The following NKAIN2 variants were observed in gnomAD, a reference collection of about 807,000 sequenced individuals.
NKAIN2 encodes sodium/potassium transporting ATPase interacting 2, also known as sodium/potassium-transporting ATPase subunit beta-1-interacting protein 2.
A neutral mutation model predicts 32.6 loss-of-function variants in NKAIN2; 14 were observed. That is an observed-to-expected ratio of 0.43 (90% confidence interval 0.28 to 0.67). The LOEUF is 0.67. NKAIN2 is among the 30% of genes least tolerant of loss of function. The pLI, the probability that NKAIN2 is intolerant of heterozygous loss-of-function variation, is 0.17. For missense variants in NKAIN2, 198 were observed against 258.3 expected (o/e 0.77, Z 1.60); for synonymous variants, 80 against 87.2 (o/e 0.92, Z 0.46).
chr6:124,238,449 T>A (rs1290044253), intron 1 of NKAIN2, among the ~76,000 whole-genome samples: 58 of 152,052 alleles, frequency 3.8e-4, no homozygotes, highest in Admixed American at 3.7e-3. Context: ...TTTTGAAATG[T>A]TGTGGAAAAA....
chr6:124,453,757 A>G (rs1269430512), intron 3 of NKAIN2, among the ~76,000 whole-genome samples: 1 of 152,070 alleles, frequency 6.6e-6, no homozygotes, highest in Non-Finnish European at 1.5e-5. Context: ...CAATGAAACA[A>G]ATTAGTAGAT....
chr6:123,859,587 T>C (rs1775698824), intron 1 of NKAIN2, among the ~76,000 whole-genome samples: 1 of 152,244 alleles, frequency 6.6e-6, no homozygotes, highest in Non-Finnish European at 1.5e-5. Flanking sequence ...CATTTTAGCA[T>C]GTGGTCCATC....
intron 2 of NKAIN2, among the ~76,000 whole-genome samples, chr6:124,304,846 G>A (rs1397524672): frequency 6.6e-6 from 1 of 152,120 alleles, no homozygotes; most frequent in Non-Finnish European, 1.5e-5. Flanking sequence ...CCCAGGAGGT[G>A]GAGACTGTAG....
chr6:124,171,696 A>G (rs1788872958), intron 1 of NKAIN2, among the ~76,000 whole-genome samples: 1 of 151,780 alleles, frequency 6.6e-6, no homozygotes, highest in South Asian at 2.1e-4. Context: ...GACTACAGGC[A>G]CATGCTGCCA....
chr6:124,573,191 C>T (rs1456983201), intron 3 of NKAIN2, among the ~76,000 whole-genome samples: 5 of 152,106 alleles, frequency 3.3e-5, no homozygotes, highest in Non-Finnish European at 7.4e-5. Context: ...AAGCCCCTGA[C>T]AGTGGAACAC....
chr6:124,519,006 A>G (rs1482181733), intron 3 of NKAIN2, among the ~76,000 whole-genome samples: 2 of 152,236 alleles, frequency 1.3e-5, no homozygotes, highest in African/African-American at 4.8e-5. Context: ...TACAAGAACC[A>G]GGATGGACTT....
chr6:124,195,503 A>G lies in NKAIN2; in HGVS notation c.55-87502A>G, dbSNP rs113856028. ...TTTGATTTAATAACTGCACATTCATATATATTTTTTGAAAGGAATGCTGAA... is the reference window on the plus strand; with the variant it reads ...TTTGATTTAATAACTGCACATTCATGTATATTTTTTGAAAGGAATGCTGAA... On this transcript the variant is annotated intron_variant, in intron 1 of 6. Coordinates refer to ENST00000368417, the MANE Select transcript of NKAIN2 (RefSeq NM_001040214.3). Among the ~76,000 whole-genome samples, 212 of 152,216 alleles carry G rather than the reference A, an allele frequency of 1.4e-3. 1 individual carries two copies. Among genetic ancestry groups the G allele is most frequent in the African/African-American group, 4.9e-3 (203 of 41,564 alleles).
intron 4 of NKAIN2, among the ~76,000 whole-genome samples, chr6:124,777,578 C>A (rs1020979833): frequency 6.6e-6 from 1 of 152,134 alleles, no homozygotes; most frequent in Non-Finnish European, 1.5e-5. Flanking sequence ...CACTAATATT[C>A]TCATATTGAA....
chr6:124,141,266 G>GA (rs1376523475), intron 1 of NKAIN2, among the ~76,000 whole-genome samples: 1 of 151,756 alleles, frequency 6.6e-6, no homozygotes, highest in African/African-American at 2.4e-5. Context: ...GATTCACAAA[G>GA]AAAAAAAATA....
chr6:124,381,761 A>G (rs1046715407), intron 3 of NKAIN2, among the ~76,000 whole-genome samples: 70 of 152,292 alleles, frequency 4.6e-4, no homozygotes, highest in African/African-American at 1.6e-3. Flanking sequence ...GTATTCTTTA[A>G]TGACAAAATA....
chr6:123,951,014 T>A (rs1221341944), intron 1 of NKAIN2, among the ~76,000 whole-genome samples: 1 of 152,060 alleles, frequency 6.6e-6, no homozygotes, highest in Non-Finnish European at 1.5e-5. Flanking sequence ...AAGAAATTTT[T>A]TCATCCAGTG....
intron 3 of NKAIN2, among the ~76,000 whole-genome samples, chr6:124,657,749 T>G (rs1431502027): frequency 6.6e-6 from 1 of 151,806 alleles, no homozygotes; most frequent in Non-Finnish European, 1.5e-5. Context: ...AATTGAAGTA[T>G]AGCTTTAAGA....
chr6:124,750,666 C>T (rs896805624), intron 4 of NKAIN2, among the ~76,000 whole-genome samples: 6 of 151,986 alleles, frequency 3.9e-5, no homozygotes, highest in African/African-American at 1.4e-4. Context: ...CTTTTTATCT[C>T]TTTGGCTGCC....
chr6:123,823,888 G>A (rs1291842483), intron 1 of NKAIN2, among the ~76,000 whole-genome samples: 2 of 152,148 alleles, frequency 1.3e-5, no homozygotes, highest in South Asian at 2.1e-4. Flanking sequence ...AGTTTCATTA[G>A]CATTGGAAAA....
chr6:124,441,498 C>G (rs1775686313), intron 3 of NKAIN2, among the ~76,000 whole-genome samples: 1 of 152,092 alleles, frequency 6.6e-6, no homozygotes, highest in African/African-American at 2.4e-5. Flanking sequence ...TCTCGCCTGG[C>G]TCTACCTTGC....
At chr6:124,717,118 C>G (rs1326606449) in intron 4 of NKAIN2, among the ~76,000 whole-genome samples, 2 of 152,178 alleles carry the variant, frequency 1.3e-5, no homozygotes, top group Non-Finnish European at 2.9e-5. Context: ...TGAGCCCCAC[C>G]TTGACACTTT....
At chr6:124,660,236 G>A (rs75344906) in intron 4 of NKAIN2, among the ~76,000 whole-genome samples, 87 of 152,218 alleles carry the variant, frequency 5.7e-4, no homozygotes, top group Admixed American at 1.1e-3. Context: ...TTCCACCTAT[G>A]TTTTAAGGAT....
intron 6 of NKAIN2, among the ~76,000 whole-genome samples, chr6:124,820,374 A>G: frequency 6.6e-6 from 1 of 152,188 alleles, no homozygotes; most frequent in African/African-American, 2.4e-5. Flanking sequence ...AAGTTTCCTC[A>G]CCTGCAAAAT....
At chr6:124,531,377 C>T (rs112487320) in intron 3 of NKAIN2, among the ~76,000 whole-genome samples, 27 of 152,122 alleles carry the variant, frequency 1.8e-4, no homozygotes, top group African/African-American at 6.5e-4. Flanking sequence ...TCTTTGCATC[C>T]ATGGGGTGGA....
Sources: allele counts gnomAD v4.1 joint callset (sites outside exome capture counted in the v4.1 genomes callset), GRCh38; gene constraint gnomAD v4.1.1; transcripts MANE v1.5; gene names NCBI Gene and HGNC (gene_info 2026-07-23, HGNC 2026-07-21).